ULK4: variants seen among roughly 807,000 people sequenced by gnomAD.
ULK4 encodes the protein inactive serine/threonine-protein kinase ULK4.
In ULK4, 133 loss-of-function variants were observed where a neutral mutation model predicts 160.6. The observed-to-expected ratio is 0.83, with a 90% CI of 0.72 to 0.96. The LOEUF is 0.96. Ranked by LOEUF, ULK4 falls within the 40% of genes least tolerant of loss-of-function variation. The probability of loss-of-function intolerance (pLI) is 0.00; values close to 1 mark genes in which losing one functional copy is unlikely to be tolerated. For synonymous variants in ULK4, 534 were observed against 539.8 expected (o/e 0.99, Z 0.15); for missense variants, 1,580 against 1,499.5 (o/e 1.05, Z -0.89).
intron 2 of ULK4, 25 bp downstream of exon 2, chr3:41,954,597 T>G (rs770396336): frequency 6.2e-7 from 1 of 1,602,334 alleles, no homozygotes; most frequent in East Asian, 2.2e-5. Context: ...TCTTTCCCCA[T>G]GCCAATGGAA....
intron 31 of ULK4, among the ~76,000 whole-genome samples, chr3:41,597,998 A>T (rs962802042): frequency 1.3e-5 from 2 of 152,222 alleles, no homozygotes; most frequent in African/African-American, 2.4e-5. Flanking sequence ...ATTTCTAAGC[A>T]CATCTTTCAG....
chr3:41,703,057 T>A (rs375183168), intron 27 of ULK4, among the ~76,000 whole-genome samples: 1 of 151,960 alleles, frequency 6.6e-6, no homozygotes, highest in African/African-American at 2.4e-5. Flanking sequence ...TTTCACCATG[T>A]TGGCCAGGAT....
chr3:41,798,267 C>T (rs1405736570), intron 20 of ULK4, among the ~76,000 whole-genome samples: 1 of 152,144 alleles, frequency 6.6e-6, no homozygotes, highest in East Asian at 1.9e-4. Flanking sequence ...TAAAACAAGA[C>T]AGATTTTTCT....
At chr3:41,942,998 G>T (rs1700005842) in intron 2 of ULK4, among the ~76,000 whole-genome samples, 1 of 152,000 alleles carries the variant, frequency 6.6e-6, no homozygotes, top group African/African-American at 2.4e-5. Context: ...TGGATCACGA[G>T]GTAAGGAGAT....
Position 41,788,682 on chromosome 3 carries a change from T to A in ULK4, c.2193+979A>T, listed in dbSNP as rs545474766. ...TCCAGCCTGGGCGACAGAGCGAGCCTCCATCTCAAAAAAAAAAGAAAAAAA... is the reference window on the plus strand; with the variant it reads ...TCCAGCCTGGGCGACAGAGCGAGCCACCATCTCAAAAAAAAAAGAAAAAAA... On this transcript the variant is annotated intron_variant, in intron 21 of 36. Transcript: ENST00000301831. 8.4e-4 allele frequency among the ~76,000 whole-genome samples: 126 copies of A among 150,398 alleles called. 1 individual carries two copies. The highest frequency in any genetic ancestry group is 1.5e-3 in the Admixed American group (23 of 14,996).
chr3:41,694,630 G>C (rs2036426730), intron 27 of ULK4, among the ~76,000 whole-genome samples: 1 of 152,106 alleles, frequency 6.6e-6, no homozygotes, highest in Non-Finnish European at 1.5e-5. Flanking sequence ...TGATCCTTAA[G>C]TCCCTTATAT....
At chr3:41,534,602 G>T (rs2086431816) in intron 32 of ULK4, among the ~76,000 whole-genome samples, 2 of 151,508 alleles carry the variant, frequency 1.3e-5, no homozygotes, top group Admixed American at 6.6e-5. Context: ...GTAGTTTGTG[G>T]CATGTCAACA....
chr3:41,279,010 G>A (rs2079287424), intron 35 of ULK4, among the ~76,000 whole-genome samples: 1 of 152,046 alleles, frequency 6.6e-6, no homozygotes, highest in Non-Finnish European at 1.5e-5. Flanking sequence ...CGACCTAAAG[G>A]AGCATGTTCT....
chr3:41,449,663 C>A (rs2083382383), intron 34 of ULK4, among the ~76,000 whole-genome samples: 1 of 151,912 alleles, frequency 6.6e-6, no homozygotes, highest in African/African-American at 2.4e-5. Flanking sequence ...AAGTACAAGT[C>A]CACCACCATT....
At chr3:41,358,896 G>A (rs1251583783) in intron 35 of ULK4, among the ~76,000 whole-genome samples, 1 of 152,146 alleles carries the variant, frequency 6.6e-6, no homozygotes, top group East Asian at 1.9e-4. Flanking sequence ...AGGAAGACAA[G>A]GCAGTTACAA....
intron 32 of ULK4, among the ~76,000 whole-genome samples, chr3:41,510,302 A>T (rs903018847): frequency 5.9e-5 from 9 of 152,214 alleles, no homozygotes; most frequent in African/African-American, 2.2e-4. Flanking sequence ...ATATGTATGC[A>T]CCTAATACTG....
chr3:41,702,139 TTATG>T (rs575310675), intron 27 of ULK4, among the ~76,000 whole-genome samples: 2 of 152,238 alleles, frequency 1.3e-5, no homozygotes, highest in Admixed American at 6.5e-5. Flanking sequence ...AATTTTTTAA[TTATG>T]TATGTATGTA....
At chr3:41,661,932 G>A (rs991180220) in intron 30 of ULK4, among the ~76,000 whole-genome samples, 1 of 152,070 alleles carries the variant, frequency 6.6e-6, no homozygotes, top group East Asian at 1.9e-4. Context: ...AAATTAAGCT[G>A]AATAGAGTTG....
At chr3:41,736,197 G>C (rs1429728965) in intron 22 of ULK4, among the ~76,000 whole-genome samples, 1 of 151,644 alleles carries the variant, frequency 6.6e-6, no homozygotes, top group East Asian at 1.9e-4. Context: ...AATCCTTTGG[G>C]TATATACCCA....
At chr3:41,300,275 G>C (rs1335335155) in intron 35 of ULK4, among the ~76,000 whole-genome samples, 1 of 152,140 alleles carries the variant, frequency 6.6e-6, no homozygotes, top group East Asian at 1.9e-4. Context: ...AACTAACTAA[G>C]GAAGAGGTCA....
chr3:41,694,030 G>C (rs1029177572), intron 27 of ULK4, among the ~76,000 whole-genome samples: 1 of 152,140 alleles, frequency 6.6e-6, no homozygotes, highest in Non-Finnish European at 1.5e-5. Context: ...CAAACAAATC[G>C]TGACCTCATT....
At chr3:41,747,324 A>G (rs2038452605) in intron 22 of ULK4, among the ~76,000 whole-genome samples, 1 of 151,932 alleles carries the variant, frequency 6.6e-6, no homozygotes, top group Non-Finnish European at 1.5e-5. Context: ...AAGCTCCTTC[A>G]CATTGGCTCC....
intron 29 of ULK4, among the ~76,000 whole-genome samples, chr3:41,664,105 C>T (rs1305088516): frequency 6.6e-6 from 1 of 152,192 alleles, no homozygotes; most frequent in Admixed American, 6.5e-5. Context: ...CTTTCCAACG[C>T]TGATAATGAT....
chr3:41,484,732 G>A lies in ULK4; in HGVS notation c.3227-21479C>T, dbSNP rs147616336. 5.7e-3 allele frequency among the ~76,000 whole-genome samples: 868 copies of A among 152,170 alleles called. 5 individuals are homozygous for A. Among genetic ancestry groups the A allele is most frequent in the Non-Finnish European group, 8.5e-3 (577 of 68,006 alleles). ...CTCCCAAAGTGCTGGGATTACAGGC[G>A]TGAGCCACCGCGCCCGGCCCGAGTG... On this transcript the variant is annotated intron_variant, in intron 32 of 36. Coordinates refer to ENST00000301831, the MANE Select transcript of ULK4 (RefSeq NM_017886.4).
Sources: gnomAD v4.1 joint callset for allele counts (sites outside exome capture counted in the v4.1 genomes callset) on GRCh38, gnomAD v4.1.1 for gene constraint, MANE v1.5 for transcripts, NCBI Gene and HGNC (gene_info 2026-07-23, HGNC 2026-07-21) for gene names.